The following PSD3 variants were observed in gnomAD, a reference collection of about 807,000 sequenced individuals.
The protein encoded by PSD3 is pleckstrin and Sec7 domain containing 3, also known as PH and SEC7 domain-containing protein 3.
In PSD3, 49 loss-of-function variants were observed where a neutral mutation model predicts 105.5. That is an observed-to-expected ratio of 0.46 (90% CI 0.37 to 0.59). PSD3 has a LOEUF of 0.59. PSD3 is among the 20% of genes least tolerant of loss of function. The pLI is 0.00. For synonymous variants in PSD3, 557 were observed against 457.8 expected, an observed-to-expected ratio of 1.22 and a Z score of -2.77; for missense variants, 1,561 against 1,263.8, an observed-to-expected ratio of 1.24 and a Z score of -3.57.
At chr8:18,628,242 C>T (rs983693499) in intron 11 of PSD3, among the ~76,000 whole-genome samples, 1 of 151,430 alleles carries the variant, frequency 6.6e-6, no homozygotes, top group South Asian at 2.1e-4. Flanking sequence ...CCAATAAACA[C>T]CAAATAAGGA....
intron 1 of PSD3, among the ~76,000 whole-genome samples, chr8:19,021,324 G>T (rs1037846722): frequency 1.3e-5 from 2 of 152,078 alleles, no homozygotes; most frequent in African/African-American, 2.4e-5. Context: ...TACCAAAACT[G>T]TTCTATTATT....
chr8:18,935,339 C>T (rs1239605592), intron 2 of PSD3, among the ~76,000 whole-genome samples: 1 of 151,868 alleles, frequency 6.6e-6, no homozygotes, highest in East Asian at 1.9e-4. Flanking sequence ...GGCTGAAAAT[C>T]ATTGTGGAAA....
chr8:18,659,746 T>C (rs1809195881), intron 9 of PSD3, among the ~76,000 whole-genome samples: 1 of 152,186 alleles, frequency 6.6e-6, no homozygotes, highest in Admixed American at 6.5e-5. Flanking sequence ...GTGAGGATGA[T>C]GGGCTGGCTG....
chr8:18,791,639 T>C (rs140213150), intron 8 of PSD3, among the ~76,000 whole-genome samples: 85 of 152,136 alleles, frequency 5.6e-4, no homozygotes, highest in Non-Finnish European at 1.3e-4. Context: ...ACAGAAAACA[T>C]AGGCAATACC....
At position 18,527,635 on chromosome 8, in the gene PSD3, G is replaced by A. The variant is rs751244180; in HGVS notation, c.*8108C>T. On this transcript the variant is annotated 3_prime_UTR_variant, in exon 16 of 16. Coordinates refer to ENST00000327040, the MANE Select transcript of PSD3 (RefSeq NM_015310.4). The stretch of plus-strand genomic sequence containing the variant: ...TACAACTATTTTAATAAAAAATAAA[G>A]CAATTGTAAAATGTAAACTTAATTG... The A allele has an allele frequency of 2.0e-5, 3 of 152,538 alleles. No homozygotes were observed. Among genetic ancestry groups the A allele is most frequent in the Non-Finnish European group, 4.4e-5 (3 of 68,022 alleles). The allele number at this position is 152,538 out of a possible 1,614,324, so 9.4% of individuals were successfully genotyped here.
At chr8:18,798,165 A>G (rs1189315291) in intron 8 of PSD3, among the ~76,000 whole-genome samples, 1 of 152,152 alleles carries the variant, frequency 6.6e-6, no homozygotes, top group Admixed American at 6.6e-5. Context: ...CACATGGTGT[A>G]TTAGCCGTGC....
chr8:18,911,602 A>C (rs956697951), intron 2 of PSD3, among the ~76,000 whole-genome samples: 4 of 152,184 alleles, frequency 2.6e-5, no homozygotes, highest in Non-Finnish European at 4.4e-5. Context: ...TTCCTAGCAG[A>C]GTGTCTGTTG....
At chr8:18,976,615 T>C (rs894367798) in intron 1 of PSD3, among the ~76,000 whole-genome samples, 2 of 152,180 alleles carry the variant, frequency 1.3e-5, no homozygotes, top group African/African-American at 2.4e-5. Context: ...TCTTCAAAGG[T>C]AAAACAGGGA....
At chr8:18,591,361 G>C (rs1803591975) in intron 12 of PSD3, among the ~76,000 whole-genome samples, 1 of 152,186 alleles carries the variant, frequency 6.6e-6, no homozygotes, top group Non-Finnish European at 1.5e-5. Flanking sequence ...AACTGCAATA[G>C]TGTGGATACC....
intron 9 of PSD3, among the ~76,000 whole-genome samples, chr8:18,657,349 C>T (rs186870638): frequency 2.1e-4 from 32 of 152,278 alleles, no homozygotes; most frequent in Admixed American, 4.6e-4. Context: ...CGACTCAATA[C>T]GTGTATTCTT....
chr8:18,906,773 T>C (rs570236826), intron 2 of PSD3, among the ~76,000 whole-genome samples: 6 of 152,284 alleles, frequency 3.9e-5, no homozygotes, highest in Non-Finnish European at 7.4e-5. Flanking sequence ...TCATGCACCA[T>C]ATAAGAACAT....
At position 18,671,866 on chromosome 8, in the gene PSD3, T is replaced by C. The variant is rs191905193; in HGVS notation, c.2173-16181A>G. Among the ~76,000 whole-genome samples the C allele has an allele frequency of 2.5e-3, 373 of 152,194 alleles. 4 individuals are homozygous for C. The highest frequency in any genetic ancestry group is 0.016 in the Admixed American group (252 of 15,274). ...CAGAATGGTCTCGATCTCCTGACCT[T>C]GTTATCCGCCCGCCTTGGCCTCCCA... On this transcript the variant is annotated intron_variant, in intron 9 of 15. Transcript: ENST00000327040.
chr8:18,992,740 A>G (rs1825870089), intron 1 of PSD3, among the ~76,000 whole-genome samples: 1 of 152,194 alleles, frequency 6.6e-6, no homozygotes, highest in African/African-American at 2.4e-5. Context: ...ATTAGAAACC[A>G]TAATTTTTTT....
intron 4 of PSD3, among the ~76,000 whole-genome samples, chr8:18,864,149 C>G (rs1479379976): frequency 6.6e-6 from 1 of 152,186 alleles, no homozygotes; most frequent in Non-Finnish European, 1.5e-5. Context: ...TTGAAGATAT[C>G]TGGTCTTGTT....
At chr8:18,646,918 G>A (rs767631826) in intron 10 of PSD3, among the ~76,000 whole-genome samples, 1 of 152,138 alleles carries the variant, frequency 6.6e-6, no homozygotes, top group Non-Finnish European at 1.5e-5. Flanking sequence ...AAGAGACTTT[G>A]GAACTAGTTA....
chr8:19,006,387 T>C (rs1346543165), intron 1 of PSD3, among the ~76,000 whole-genome samples: 1 of 151,576 alleles, frequency 6.6e-6, no homozygotes, highest in Non-Finnish European at 1.5e-5. Context: ...ACCTAGCCCA[T>C]AATAAATACT....
intron 2 of PSD3, among the ~76,000 whole-genome samples, chr8:18,884,148 T>C (rs535434676): frequency 1.3e-5 from 2 of 152,188 alleles, no homozygotes; most frequent in South Asian, 4.2e-4. Context: ...ATCTGTAAGA[T>C]TGGAAGATAA....
intron 11 of PSD3, among the ~76,000 whole-genome samples, chr8:18,626,240 T>A (rs1806465201): frequency 6.6e-6 from 1 of 151,542 alleles, no homozygotes; most frequent in Non-Finnish European, 1.5e-5. Context: ...ACTGAATGTT[T>A]AAAGTTAATT....
intron 2 of PSD3, among the ~76,000 whole-genome samples, chr8:18,912,345 A>G (rs1381217661): frequency 6.6e-6 from 1 of 152,208 alleles, no homozygotes; most frequent in Non-Finnish European, 1.5e-5. Context: ...GCGCTTCACA[A>G]TGTTAACCGC....
Sources: gnomAD v4.1 joint callset for allele counts (sites outside exome capture counted in the v4.1 genomes callset) on GRCh38, gnomAD v4.1.1 for gene constraint, MANE v1.5 for transcripts, NCBI Gene and HGNC (gene_info 2026-07-23, HGNC 2026-07-21) for gene names.